PBRM1: variants seen among roughly 807,000 people sequenced by gnomAD.
PBRM1 encodes the protein polybromo 1, also known as protein polybromo-1.
A neutral mutation model predicts 194.5 loss-of-function variants in PBRM1; 27 were observed. The observed-to-expected ratio is 0.14, with a 90% CI of 0.10 to 0.19. PBRM1 has a LOEUF of 0.19. PBRM1 is among the 10% of genes least tolerant of loss of function. The pLI is 1.00. For missense variants in PBRM1, 1,466 were observed against 2,077.2 expected, an observed-to-expected ratio of 0.71 and a Z score of 5.72; for synonymous variants, 655 against 693.2, an observed-to-expected ratio of 0.94 and a Z score of 0.87.
At chr3:52,630,786 T>C (rs1271985298) in intron 11 of PBRM1, among the ~76,000 whole-genome samples, 3 of 152,226 alleles carry the variant, frequency 2.0e-5, no homozygotes, top group Non-Finnish European at 4.4e-5. Context: ...AGGGGAGATA[T>C]TACTGACTTA....
At chr3:52,629,098 A>G (rs558511278) in intron 11 of PBRM1, 63 bp from the exon 13 acceptor site, 1 of 1,321,372 alleles carries the variant, frequency 7.6e-7, no homozygotes, top group Admixed American at 2.1e-5. Flanking sequence ...ATTCTTCCTG[A>G]AAGTCCAATG....
chr3:52,641,446 CAAA>C (rs386396638), intron 10 of PBRM1, among the ~76,000 whole-genome samples: 1 of 69,952 alleles, frequency 1.4e-5, no homozygotes, highest in Non-Finnish European at 2.6e-5. Context: ...GACTCCATCT[CAAA>C]AAAAAAAAAA....
intron 27 of PBRM1, 131 bp downstream of exon 29, chr3:52,554,593 A>G: frequency 2.8e-6 from 2 of 716,232 alleles, no homozygotes; most frequent in Admixed American, 3.6e-5. Flanking sequence ...TGCTGCTGAC[A>G]ACCTTTGGAT....
chr3:52,629,083 G>GA (rs765827716), intron 11 of PBRM1, 48 bp from the exon 13 acceptor site: 2 of 1,451,530 alleles, frequency 1.4e-6, no homozygotes, highest in African/African-American at 2.8e-5. Flanking sequence ...TGAAAATTAT[G>GA]AAACATTCTT....
chr3:52,574,620 C>T (rs2088737703), intron 22 of PBRM1, among the ~76,000 whole-genome samples: 1 of 152,158 alleles, frequency 6.6e-6, no homozygotes, highest in Admixed American at 6.6e-5. Context: ...CACATGCCAA[C>T]AATAGTGTAC....
chr3:52,599,144 C>T (rs551248045), intron 17 of PBRM1, among the ~76,000 whole-genome samples: 5 of 152,100 alleles, frequency 3.3e-5, no homozygotes, highest in Non-Finnish European at 7.4e-5. Flanking sequence ...GAGCCATGAT[C>T]GTGCCACTGC....
chr3:52,640,882 A>AC (rs747910343), intron 10 of PBRM1, among the ~76,000 whole-genome samples: 54 of 147,720 alleles, frequency 3.7e-4, no homozygotes, highest in East Asian at 1.4e-3. Flanking sequence ...CAAGTGATCC[A>AC]CCCCCCTCAG....
intron 16 of PBRM1, among the ~76,000 whole-genome samples, chr3:52,607,801 C>A (rs1301392685): frequency 6.6e-6 from 1 of 152,010 alleles, no homozygotes; most frequent in Non-Finnish European, 1.5e-5. Flanking sequence ...TGCAAGATGT[C>A]CCTCCATCCT....
chr3:52,668,468 G>T, intron 3 of PBRM1, 30 bp downstream of exon 4: 1 of 1,496,944 alleles, frequency 6.7e-7, no homozygotes, highest in South Asian at 1.3e-5. Flanking sequence ...TCTTCCAATT[G>T]GTATCTTTCC....
Position 52,609,441 on chromosome 3 carries a change from G to A in PBRM1, c.2439C>T (p.Asn813=). 3.1e-6 allele frequency: 5 copies of A among 1,614,050 alleles called. No homozygotes were observed. The highest frequency in any genetic ancestry group is 4.2e-6 in the Non-Finnish European group (5 of 1,179,926). ...ATGTAAGGGGTGGTTTGTTAGGAAAGTTGGGATCCACAGCAGGAATTTCTG... is the reference window on the plus strand; with the variant it reads ...ATGTAAGGGGTGGTTTGTTAGGAAAATTGGGATCCACAGCAGGAATTTCTG... The change falls in exon 16 of 30, where the codon AAC becomes AAT. Residue 813 remains asparagine, a synonymous_variant. Transcript: ENST00000296302. This position sits in a 1 kb window ranked among gnomAD's most constrained non-coding sequence, Gnocchi z 4.1.
chr3:52,573,032 T>A (rs779139772), intron 22 of PBRM1, among the ~76,000 whole-genome samples: 1 of 152,236 alleles, frequency 6.6e-6, no homozygotes, highest in Non-Finnish European at 1.5e-5. Context: ...AAGTTACTTA[T>A]ATTTCATTAT....
intron 19 of PBRM1, among the ~76,000 whole-genome samples, 169 bp downstream of exon 21, chr3:52,587,184 G>A (rs1424799753): frequency 2.6e-5 from 4 of 152,136 alleles, no homozygotes; most frequent in South Asian, 2.1e-4. Context: ...CTTTCACAAC[G>A]AAGTTCAGGT....
chr3:52,547,124 T>C (rs2079781670), downstream of PBRM1: 1 of 233,118 alleles, frequency 4.3e-6, no homozygotes, highest in East Asian at 6.1e-5. Context: ...ACCTTAATGC[T>C]TTCTTCAAGA....
At chr3:52,545,383 G>A, downstream of PBRM1, 1 of 227,828 alleles carries the variant, frequency 4.4e-6, no homozygotes, top group East Asian at 6.3e-5. Context: ...TGCAAACTCT[G>A]TATTTATTTG....
rs770000302 is a variant in PBRM1, at chr3:52,643,237, C to CT, written c.995+10dup. On this transcript the variant is annotated intron_variant, in intron 9 of 29. Coordinates refer to ENST00000296302, the Ensembl canonical transcript of PBRM1. ...CAGGTCAACTCTCAGACTAAACACT[C>CT]TTTTTCTCACCGGTAATACTTGCTA... The CT allele has an allele frequency of 6.3e-7, 1 of 1,587,918 alleles. No homozygotes were observed. The highest frequency in any genetic ancestry group is 8.6e-7 in the Non-Finnish European group (1 of 1,156,144).
chr3:52,587,611 C>A (rs3733046), intron 18 of PBRM1, 101 bp from the exon 21 acceptor site: 1 of 861,542 alleles, frequency 1.2e-6, no homozygotes, highest in African/African-American at 1.8e-5. Flanking sequence ...GGTCTCACTA[C>A]GTTGCCCAGG....
At chr3:52,647,749 T>C (rs1351719837) in intron 7 of PBRM1, among the ~76,000 whole-genome samples, 1 of 151,918 alleles carries the variant, frequency 6.6e-6, no homozygotes, top group East Asian at 1.9e-4. Flanking sequence ...TCACATATTA[T>C]ACGATTCCAT....
intron 17 of PBRM1, among the ~76,000 whole-genome samples, chr3:52,596,838 T>C (rs761673140): frequency 6.6e-6 from 1 of 152,148 alleles, no homozygotes; most frequent in Non-Finnish European, 1.5e-5. Context: ...ACCCTGCTGG[T>C]GTCTCACATG....
chr3:52,615,352 C>T (rs2153471688), exon 15 of PBRM1: 1 of 1,582,108 alleles, frequency 6.3e-7, no homozygotes, highest in African/African-American at 1.3e-5. Context: ...CTGCCTTACT[C>T]AGCTTGAGTT....
Sources: allele counts gnomAD v4.1 joint callset (sites outside exome capture counted in the v4.1 genomes callset), GRCh38; gene constraint gnomAD v4.1.1; non-coding constraint Gnocchi (gnomAD v3.1); transcripts MANE v1.5; gene names NCBI Gene and HGNC (gene_info 2026-07-23, HGNC 2026-07-21).